PLXNA2: variants seen among roughly 807,000 people sequenced by gnomAD.
PLXNA2 encodes plexin-A2.
PLXNA2 carries 91 observed loss-of-function variants against 193.5 expected under a neutral mutation model. The ratio of observed to expected loss-of-function variants is 0.47; its 90% CI spans 0.40 to 0.56. The LOEUF is 0.56. Among genes scored for constraint, PLXNA2 ranks in the 20% least tolerant of loss-of-function variants. The pLI is 0.00. For missense variants in PLXNA2, 1,995 were observed against 2,503.2 expected (o/e 0.80, Z 4.33); for synonymous variants, 997 against 1,027.3 (o/e 0.97, Z 0.56).
intron 26 of PLXNA2, among the ~76,000 whole-genome samples, chr1:208,035,141 G>A (rs1664631725): frequency 6.6e-6 from 1 of 151,716 alleles, no homozygotes. Flanking sequence ...CCATCCACTT[G>A]GCGAGCTATG....
chr1:208,024,433 C>G lies in PLXNA2; in HGVS notation c.*2810G>C, dbSNP rs1558150543. The G allele has an allele frequency of 6.6e-6, 1 of 152,394 alleles. No homozygotes were observed. The highest frequency in any genetic ancestry group is 2.1e-4 in the South Asian group (1 of 4,816). 9.4% of individuals were successfully genotyped at this position (152,394 alleles called of 1,614,324 possible). A position where few individuals can be genotyped will look rare whatever the true frequency, so the allele number is the denominator to read the frequency against. On this transcript the variant is annotated 3_prime_UTR_variant, in exon 32 of 32. Coordinates refer to ENST00000367033, the MANE Select transcript of PLXNA2 (RefSeq NM_025179.4). Reference sequence around the variant, plus strand: ...CTGGAAAGGGGGCAGGGCCTTATAACCTTTCACCCTCATGGCGTGGCTTGA... The same window carrying G: ...CTGGAAAGGGGGCAGGGCCTTATAAGCTTTCACCCTCATGGCGTGGCTTGA...
At chr1:208,129,901 C>T (rs1396457480) in intron 4 of PLXNA2, among the ~76,000 whole-genome samples, 1 of 152,190 alleles carries the variant, frequency 6.6e-6, no homozygotes, top group Non-Finnish European at 1.5e-5. Context: ...CATCTCAGTT[C>T]ATTCTTCCCT....
intron 3 of PLXNA2, among the ~76,000 whole-genome samples, chr1:208,181,407 C>A (rs548993784): frequency 6.6e-6 from 1 of 152,314 alleles, no homozygotes; most frequent in East Asian, 1.9e-4. Context: ...ATCACAGCTC[C>A]AGTGACAGCT....
rs1445354806 is a variant in PLXNA2, at chr1:208,098,904, T to C, written c.1673A>G (p.Gln558Arg). The C allele has an allele frequency of 6.2e-6, 10 of 1,613,984 alleles. No individual in the cohort carries two copies. The highest frequency in any genetic ancestry group is 1.3e-5 in the African/African-American group (1 of 75,072). The change falls in exon 6 of 32, where the codon CAG (glutamine) becomes CGG (arginine). Residue 558 changes from glutamine (Q) to arginine (R), a missense_variant. Physicochemically the swap from Gln to Arg is conservative, Grantham distance 43 (BLOSUM62 1). Around this residue, in one of 3 missense-constraint regions of PLXNA2, gnomAD observed 702 missense variants for 812.9 expected, o/e 0.86. Coordinates refer to ENST00000367033, the MANE Select transcript of PLXNA2 (RefSeq NM_025179.4). The stretch of plus-strand genomic sequence containing the variant: ...GGGATGCACTGCAAGGCTCACACAC[T>C]GGCTGATGCTGGCAGCAAATCGATT... ...EPNRFAASIS[Q>R]CVSLAVHPSS... is the part of the protein sequence containing the mutation.
At chr1:208,173,969 C>G (rs182915399) in intron 3 of PLXNA2, among the ~76,000 whole-genome samples, 1 of 152,238 alleles carries the variant, frequency 6.6e-6, no homozygotes, top group Non-Finnish European at 1.5e-5. Flanking sequence ...TGCGCACCCC[C>G]ACTCACACAG....
intron 9 of PLXNA2, among the ~76,000 whole-genome samples, chr1:208,091,047 G>A (rs1438747011): frequency 6.6e-6 from 1 of 152,240 alleles, no homozygotes; most frequent in African/African-American, 2.4e-5. Flanking sequence ...TGTCCAGGAA[G>A]GCTGGTGTAG....
rs145943288 is a variant in PLXNA2 at position 208,054,423 on chromosome 1, C to T, written c.2854G>A (p.Val952Met). 66 of 1,608,196 alleles carry T rather than the reference C, an allele frequency of 4.1e-5. No individual in the cohort carries two copies. Among genetic ancestry groups the T allele is most frequent in the Non-Finnish European group, 5.3e-5 (62 of 1,174,610 alleles). Residue 952 changes from valine (V) to methionine (M), a missense_variant and splice_region_variant, in exon 14 of 32, where the codon GTG (valine) becomes ATG (methionine). Around this residue, in one of 3 missense-constraint regions of PLXNA2, gnomAD observed 1,291 missense variants for 1,673.6 expected, o/e 0.77. Transcript: ENST00000367033. ...CTGGCCCTGGACCCAGTACTCACCA[C>T]GAAGGTGTACTGCTGATGGGACTTC... ...MTKSHQQYTF[V>M]NPSVLSLNPI...
chr1:208,047,360 A>G lies in PLXNA2; in HGVS notation c.3256-1243T>C, dbSNP rs554910361. On this transcript the variant is annotated intron_variant, in intron 17 of 31. Coordinates refer to ENST00000367033, the MANE Select transcript of PLXNA2 (RefSeq NM_025179.4). ...GCTTGGTTTTGACACAGAGTTCATG[A>G]TATCTTTTTTCTCTTGGAGGTCTCT... Among the ~76,000 whole-genome samples, 4 of 152,304 alleles carry G rather than the reference A, an allele frequency of 2.6e-5. No individual in the cohort carries two copies. In the East Asian group the frequency reaches 7.7e-4, roughly 29 times the overall value.
chr1:208,093,877 C>T (rs959583708), intron 8 of PLXNA2, among the ~76,000 whole-genome samples: 2 of 152,220 alleles, frequency 1.3e-5, no homozygotes, highest in African/African-American at 4.8e-5. Flanking sequence ...TCGCAGCCCC[C>T]TTACTCTATC....
At chr1:208,191,589 C>T (rs1037918393) in intron 3 of PLXNA2, among the ~76,000 whole-genome samples, 1 of 152,140 alleles carries the variant, frequency 6.6e-6, no homozygotes, top group Non-Finnish European at 1.5e-5. Flanking sequence ...TCACAATGAG[C>T]CTGGGAGGCA....
intron 17 of PLXNA2, among the ~76,000 whole-genome samples, chr1:208,047,314 T>A (rs897979601): frequency 6.6e-6 from 1 of 152,270 alleles, no homozygotes; most frequent in Non-Finnish European, 1.5e-5. Context: ...AAGTGTCCCC[T>A]AACCCTGCAC....
intron 1 of PLXNA2, among the ~76,000 whole-genome samples, chr1:208,225,676 C>T (rs141154645): frequency 2.1e-3 from 323 of 152,204 alleles, no homozygotes; most frequent in African/African-American, 7.2e-3. Flanking sequence ...GGCTCTAATG[C>T]GGTGTGATCT....
At chr1:208,085,804 T>C (rs933357420) in intron 9 of PLXNA2, among the ~76,000 whole-genome samples, 4 of 152,194 alleles carry the variant, frequency 2.6e-5, no homozygotes, top group African/African-American at 9.7e-5. Context: ...AATGTATGGT[T>C]AACTCTGAGA....
intron 4 of PLXNA2, among the ~76,000 whole-genome samples, chr1:208,134,074 C>G (rs10863700): frequency 0.51 from 77,272 of 151,988 alleles, 20,131 homozygotes; most frequent in Non-Finnish European, 0.54. Context: ...GTTTTTGGCA[C>G]CACTTCTCCC....
chr1:208,115,290 C>T (rs1667601073), intron 4 of PLXNA2, among the ~76,000 whole-genome samples: 1 of 152,222 alleles, frequency 6.6e-6, no homozygotes, highest in Admixed American at 6.5e-5. Flanking sequence ...GGCACATATA[C>T]TTTGTGCATT....
chr1:208,097,894 G>T (rs1666954761), intron 6 of PLXNA2, among the ~76,000 whole-genome samples: 3 of 151,972 alleles, frequency 2.0e-5, no homozygotes, highest in Non-Finnish European at 4.4e-5. Flanking sequence ...AGTAAAGACA[G>T]GGTCTCACTA....
Position 208,060,774 on chromosome 1 carries a change from C to T in PLXNA2, c.2650G>A (p.Gly884Ser). 6.2e-7 allele frequency: 1 copy of T among 1,614,118 alleles called. No individual in the cohort carries two copies. Among genetic ancestry groups the T allele is most frequent in the East Asian group, 2.2e-5 (1 of 44,844 alleles). ...TRVTIHGVNLGLDFSEIAHHV... is the reference protein window; with the variant it reads ...TRVTIHGVNLSLDFSEIAHHV... ...TGGGCGATCTCGGAGAAGTCCAGAC[C>T]CAGGTTCACGCCATGGATGGTCACT... The change falls in exon 13 of 32, where the codon GGT becomes AGT. Residue 884 changes from glycine to serine, a missense_variant. Gly to Ser is a moderately conservative substitution (Grantham distance 56). Transcript: ENST00000367033.
intron 3 of PLXNA2, among the ~76,000 whole-genome samples, chr1:208,187,641 G>A (rs1038988656): frequency 2.6e-5 from 4 of 152,222 alleles, no homozygotes; most frequent in Admixed American, 6.5e-5. Flanking sequence ...ACGTCTGCAA[G>A]GTACTCTGTC....
intron 3 of PLXNA2, among the ~76,000 whole-genome samples, chr1:208,166,171 A>G (rs1265737648): frequency 1.3e-5 from 2 of 152,224 alleles, no homozygotes; most frequent in East Asian, 3.8e-4. Flanking sequence ...ATTTTGAAAA[A>G]GGGAAAAAAA....
Sources: allele counts gnomAD v4.1 joint callset (sites outside exome capture counted in the v4.1 genomes callset), GRCh38; gene constraint gnomAD v4.1.1; regional missense constraint gnomAD v4.1.1; transcripts MANE v1.5; gene names NCBI Gene and HGNC (gene_info 2026-07-23, HGNC 2026-07-21).